The following NAV3 variants were observed in gnomAD, a reference collection of about 807,000 sequenced individuals.
NAV3 encodes the protein pore membrane and/or filament interacting like protein 1.
NAV3 carries 87 observed loss-of-function variants against 244.7 expected under a neutral mutation model. That is an observed-to-expected ratio of 0.36 (90% CI 0.30 to 0.42). NAV3 has a LOEUF of 0.42. Ranked by LOEUF, NAV3 falls within the 20% of genes least tolerant of loss-of-function variation. The pLI is 1.00. For synonymous variants in NAV3, 1,126 were observed against 1,042.2 expected (o/e 1.08, Z -1.55); for missense variants, 2,663 against 2,893.3 (o/e 0.92, Z 1.83).
In NAV3 at chr12:78,188,247, G is replaced by A. The variant is rs2139840697; in HGVS notation, c.5791-1G>A. On this transcript the variant is annotated splice_acceptor_variant, in intron 31 of 39. Coordinates refer to ENST00000397909, the MANE Select transcript of NAV3 (RefSeq NM_001024383.2). LOFTEE classifies it high-confidence loss of function. Reference sequence around the variant, plus strand: ...TCTTACTTTATTTTGTTCTTATTTAGGACCAAAAATCTCAGGCATATTTGA... The same window carrying A: ...TCTTACTTTATTTTGTTCTTATTTAAGACCAAAAATCTCAGGCATATTTGA... 6.2e-7 allele frequency: 1 copy of A among 1,605,468 alleles called. No homozygotes were observed. Among genetic ancestry groups the A allele is most frequent in the Non-Finnish European group, 8.5e-7 (1 of 1,174,108 alleles).
intron 2 of NAV3, among the ~76,000 whole-genome samples, chr12:77,637,208 CA>C (rs111499697): frequency 0.25 from 36,480 of 147,046 alleles, 4,544 homozygotes; most frequent in Middle Eastern, 0.33. Flanking sequence ...ATGCTTGTGA[CA>C]AAAAAAAAAT....
At chr12:77,669,144 A>T (rs558869093) in intron 2 of NAV3, among the ~76,000 whole-genome samples, 1 of 152,290 alleles carries the variant, frequency 6.6e-6, no homozygotes, top group African/African-American at 2.4e-5. Context: ...TTCCAAAACA[A>T]ATGCTGAAAG....
intron 2 of NAV3, among the ~76,000 whole-genome samples, chr12:77,619,571 G>A (rs2136862746): frequency 6.6e-6 from 1 of 152,288 alleles, no homozygotes; most frequent in East Asian, 1.9e-4. Flanking sequence ...AGCAGGCATT[G>A]CATGGGTGCT....
intron 2 of NAV3, among the ~76,000 whole-genome samples, chr12:77,711,608 C>T (rs973933883): frequency 6.6e-6 from 1 of 152,208 alleles, no homozygotes; most frequent in African/African-American, 2.4e-5. Flanking sequence ...AGCTAAAGGG[C>T]AGGTGCCCTG....
At chr12:78,184,428 G>A (rs1407489853) in intron 30 of NAV3, among the ~76,000 whole-genome samples, 1 of 151,778 alleles carries the variant, frequency 6.6e-6, no homozygotes, top group Non-Finnish European at 1.5e-5. Flanking sequence ...AGGTGAAAAG[G>A]TGAAAGACTA....
At chr12:78,070,196 C>T (rs1260033960) in intron 12 of NAV3, among the ~76,000 whole-genome samples, 1 of 151,980 alleles carries the variant, frequency 6.6e-6, no homozygotes, top group Non-Finnish European at 1.5e-5. Flanking sequence ...TAATAGTTCC[C>T]TTCTTGAATA....
At chr12:77,754,086 T>C (rs191824727) in intron 2 of NAV3, among the ~76,000 whole-genome samples, 3 of 152,286 alleles carry the variant, frequency 2.0e-5, no homozygotes, top group Non-Finnish European at 4.4e-5. Context: ...ACTGATGTTA[T>C]TTTATACGTA....
chr12:77,735,209 GTCT>G (rs1877286438), intron 2 of NAV3, among the ~76,000 whole-genome samples: 1 of 152,032 alleles, frequency 6.6e-6, no homozygotes, highest in Admixed American at 6.6e-5. Flanking sequence ...ATATTTTAAA[GTCT>G]TCTAAGATAC....
intron 30 of NAV3, among the ~76,000 whole-genome samples, chr12:78,181,265 T>A (rs1958487189): frequency 6.6e-6 from 1 of 152,078 alleles, no homozygotes; most frequent in Admixed American, 6.6e-5. Context: ...TTCATAATAT[T>A]TTTAAGAAAT....
intron 2 of NAV3, among the ~76,000 whole-genome samples, chr12:77,781,184 A>G (rs1870643084): frequency 6.6e-6 from 1 of 152,156 alleles, no homozygotes; most frequent in South Asian, 2.1e-4. Context: ...GAGGCCTCCC[A>G]ACCATCTGAA....
intron 2 of NAV3, among the ~76,000 whole-genome samples, chr12:77,669,310 G>T (rs979917652): frequency 6.6e-6 from 1 of 152,078 alleles, no homozygotes; most frequent in African/African-American, 2.4e-5. Flanking sequence ...AACGTATTCA[G>T]GCAACAAATA....
intron 1 of NAV3, among the ~76,000 whole-genome samples, chr12:77,853,593 A>G (rs1310201652): frequency 6.6e-6 from 1 of 152,200 alleles, no homozygotes; most frequent in Non-Finnish European, 1.5e-5. Context: ...GAATATGTGC[A>G]ATACTTCTGA....
Position 78,210,545 on chromosome 12 carries a change from T to A in NAV3, c.*28T>A. 1 of 1,600,124 alleles carries A rather than the reference T, an allele frequency of 6.2e-7. No homozygotes were observed. The highest frequency in any genetic ancestry group is 8.5e-7 in the Non-Finnish European group (1 of 1,175,316). The stretch of plus-strand genomic sequence containing the variant: ...GGTGAAAAAAGTTAAGGGAAAAGAC[T>A]TTGCTTTTAAAAAAATGTTTCAAAA... On this transcript the variant is annotated 3_prime_UTR_variant, in exon 40 of 40. Transcript: ENST00000397909.
At chr12:77,982,229 A>T (rs1261740201) in intron 5 of NAV3, among the ~76,000 whole-genome samples, 2 of 61,308 alleles carry the variant, frequency 3.3e-5, no homozygotes, top group South Asian at 6.5e-4. Context: ...ATGAAAGATG[A>T]TTTGTTGCTA....
At chr12:77,960,678 A>G (rs553334868) in intron 3 of NAV3, among the ~76,000 whole-genome samples, 1 of 147,636 alleles carries the variant, frequency 6.8e-6, no homozygotes, top group Admixed American at 6.9e-5. Context: ...ATTATATTAC[A>G]TATATAGTAA....
intron 12 of NAV3, among the ~76,000 whole-genome samples, chr12:78,079,347 A>T (rs1359813564): frequency 6.6e-6 from 1 of 152,144 alleles, no homozygotes; most frequent in African/African-American, 2.4e-5. Context: ...TTTGAAAGAA[A>T]TTTGCTTTAA....
At chr12:77,618,352 T>C (rs1335289642) in intron 2 of NAV3, among the ~76,000 whole-genome samples, 1 of 152,218 alleles carries the variant, frequency 6.6e-6, no homozygotes, top group African/African-American at 2.4e-5. Flanking sequence ...CAGTACTTCA[T>C]TGGAATGATT....
chr12:77,700,236 C>A (rs984757686), intron 2 of NAV3, among the ~76,000 whole-genome samples: 5 of 152,066 alleles, frequency 3.3e-5, no homozygotes, highest in Admixed American at 3.3e-4. Flanking sequence ...GATTAACATA[C>A]AAAAATCTCA....
At chr12:77,854,527 C>G (rs1285008933) in intron 1 of NAV3, among the ~76,000 whole-genome samples, 2 of 151,676 alleles carry the variant, frequency 1.3e-5, no homozygotes, top group Non-Finnish European at 2.9e-5. Flanking sequence ...GTAAAAGTAA[C>G]TGAAGAAGGT....
Sources: allele counts gnomAD v4.1 joint callset (sites outside exome capture counted in the v4.1 genomes callset), GRCh38; gene constraint gnomAD v4.1.1; transcripts MANE v1.5; gene names NCBI Gene and HGNC (gene_info 2026-07-23, HGNC 2026-07-21).